Variants in EFNB2 observed in about 807,000 individuals in gnomAD.
EFNB2 encodes ephrin B2, also known as ephrin-B2.
In EFNB2, 5 loss-of-function variants were observed where a neutral mutation model predicts 32.1. The ratio of observed to expected loss-of-function variants is 0.16; its 90% CI spans 0.08 to 0.33. The LOEUF (loss-of-function observed/expected upper bound fraction) is 0.33, where lower values mean the gene tolerates loss of function less well. EFNB2 is among the 10% of genes least tolerant of loss of function. The pLI is 1.00. For missense variants in EFNB2, 263 were observed against 422.6 expected, an observed-to-expected ratio of 0.62 and a Z score of 3.31; for synonymous variants, 168 against 166.5, an observed-to-expected ratio of 1.01 and a Z score of -0.07.
chr13:106,506,161 A>G (rs972610620), intron 2 of EFNB2: 2 of 152,238 alleles, frequency 1.3e-5, no homozygotes, highest in Non-Finnish European at 2.9e-5. Context: ...GTTCAGAAAT[A>G]ACAGAAACAA....
rs954070330 is a variant in EFNB2 at position 106,523,259 on chromosome 13, T to C, written c.123-10447A>G. Among the ~76,000 whole-genome samples the C allele has an allele frequency of 2.0e-4, 31 of 152,192 alleles. 1 individual carries two copies. The highest frequency in any genetic ancestry group is 3.9e-4 in the Admixed American group (6 of 15,282). Reference sequence around the variant, plus strand: ...CAAAAGGAAGCAAAATCAGACTGGGTTCCTGACTTCCATACGGATCGCCCC... The same window carrying C: ...CAAAAGGAAGCAAAATCAGACTGGGCTCCTGACTTCCATACGGATCGCCCC... On this transcript the variant is annotated intron_variant, in intron 1 of 4. Coordinates refer to ENST00000646441, the MANE Select transcript of EFNB2 (RefSeq NM_004093.4).
chr13:106,525,779 TA>T (rs1362194616), intron 1 of EFNB2, among the ~76,000 whole-genome samples: 1 of 152,152 alleles, frequency 6.6e-6, no homozygotes, highest in Non-Finnish European at 1.5e-5. Context: ...ACTTAGACTT[TA>T]AATCTCGAGG....
chr13:106,512,304 G>GTT (rs57001546), intron 2 of EFNB2, among the ~76,000 whole-genome samples: 183 of 140,310 alleles, frequency 1.3e-3, no homozygotes, highest in Non-Finnish European at 2.2e-3. Context: ...GAATTCTAGT[G>GTT]TTTTTTTTTC....
At chr13:106,509,658 TGTGTGTG>T (rs1879071419) in intron 2 of EFNB2, among the ~76,000 whole-genome samples, 2 of 151,934 alleles carry the variant, frequency 1.3e-5, no homozygotes, top group African/African-American at 4.8e-5. Context: ...TGTGTGTGTG[TGTGTGTG>T]TGTGTGCATT....
intron 2 of EFNB2, among the ~76,000 whole-genome samples, chr13:106,501,028 ATAAT>A (rs1308787389): frequency 1.3e-5 from 2 of 152,234 alleles, no homozygotes; most frequent in African/African-American, 2.4e-5. Context: ...TGATAAAAAA[ATAAT>A]TAGTGTGAAT....
At chr13:106,532,012 T>G (rs192297273) in intron 1 of EFNB2, among the ~76,000 whole-genome samples, 2 of 150,450 alleles carry the variant, frequency 1.3e-5, no homozygotes, top group African/African-American at 4.9e-5. Context: ...TACTGAAGTG[T>G]TAAGTTAAAA....
At chr13:106,498,079 G>A (rs1878649414) in intron 2 of EFNB2, among the ~76,000 whole-genome samples, 2 of 151,952 alleles carry the variant, frequency 1.3e-5, no homozygotes, top group South Asian at 4.2e-4. Flanking sequence ...CAAACTCAAA[G>A]TTAACTTACT....
chr13:106,523,721 C>T (rs1197859926), intron 1 of EFNB2, among the ~76,000 whole-genome samples: 1 of 152,216 alleles, frequency 6.6e-6, no homozygotes, highest in Non-Finnish European at 1.5e-5. Flanking sequence ...ATGGGCTGTA[C>T]TGAATGAATC....
rs1880025910 is a variant in EFNB2 at position 106,535,084 on chromosome 13, C to A, written c.-120G>T. ...GAAGACGGCGTGCGCCCGCAGGCAGCTCCGAGGCGCGCTGCGCAGCTCCAG... is the reference window on the plus strand; with the variant it reads ...GAAGACGGCGTGCGCCCGCAGGCAGATCCGAGGCGCGCTGCGCAGCTCCAG... On this transcript the variant is annotated 5_prime_UTR_variant, in exon 1 of 5. Coordinates refer to ENST00000646441, the MANE Select transcript of EFNB2 (RefSeq NM_004093.4). 1 of 1,399,248 alleles carries A rather than the reference C, an allele frequency of 7.1e-7. No homozygotes were observed. The highest frequency in any genetic ancestry group is 2.3e-5 in the Admixed American group (1 of 43,682). 86.7% of individuals were successfully genotyped at this position (1,399,248 alleles called of 1,614,324 possible).
chr13:106,510,765 G>C (rs1019081803), intron 2 of EFNB2, among the ~76,000 whole-genome samples: 1 of 151,072 alleles, frequency 6.6e-6, no homozygotes, highest in African/African-American at 2.5e-5. Context: ...TGGAATCCCA[G>C]TACTTTGGGA....
At position 106,534,944 on chromosome 13, in the gene EFNB2, G is replaced by A; in HGVS notation, c.21C>T (p.Ser7=). 1 of 1,613,334 alleles carries A rather than the reference G, an allele frequency of 6.2e-7. No individual in the cohort carries two copies. The highest frequency in any genetic ancestry group is 8.5e-7 in the Non-Finnish European group (1 of 1,179,612). Residue 7 remains serine (S), a synonymous_variant, in exon 1 of 5, where the codon TCC becomes TCT. Transcript: ENST00000646441. ...AAACACCCCAGCAGTACTTCCACAC[G>A]GAGTCCCTTCTCACAGCCATGGCGA... is the stretch of plus-strand genomic sequence containing the variant. MAVRRD[S]VWKYCWGVLM...
chr13:106,508,940 G>A (rs538041126), intron 2 of EFNB2, among the ~76,000 whole-genome samples: 8 of 152,206 alleles, frequency 5.3e-5, no homozygotes, highest in Non-Finnish European at 8.8e-5. Context: ...TTTAAAGCAG[G>A]TAACACCACA....
At position 106,496,339 on chromosome 13, in the gene EFNB2, C is replaced by T. The variant is rs527840953; in HGVS notation, c.407-499G>A. Among the ~76,000 whole-genome samples, 19 of 152,312 alleles carry T rather than the reference C, an allele frequency of 1.2e-4. No homozygotes were observed. In the South Asian group the frequency reaches 3.7e-3, roughly 30 times the overall value. On this transcript the variant is annotated intron_variant, in intron 2 of 4. Transcript: ENST00000646441. ...CTGTAAACACTAGACCAGGAGCCTC[C>T]CACAACCCTTGTCTTCTTTTTTCAG... is the stretch of plus-strand genomic sequence containing the variant.
At chr13:106,509,378 G>T (rs541196099) in intron 2 of EFNB2, among the ~76,000 whole-genome samples, 1 of 152,112 alleles carries the variant, frequency 6.6e-6, no homozygotes, top group East Asian at 1.9e-4. Context: ...AACACTGCTC[G>T]TTCTGAAGGC....
In EFNB2 at chr13:106,533,319, T is replaced by C. The variant is rs1167061585; in HGVS notation, c.122+1524A>G. 2.0e-5 allele frequency among the ~76,000 whole-genome samples: 3 copies of C among 151,128 alleles called. No homozygotes were observed. The East Asian group carries it at 5.9e-4, about 30-fold the overall frequency. On this transcript the variant is annotated intron_variant, in intron 1 of 4. Transcript: ENST00000646441. ...CTCCGGGACCCGCTGCTGCGCGAGG[T>C]CCTAGCCCGGCTCCTTCCGGCACCA...
intron 2 of EFNB2, among the ~76,000 whole-genome samples, chr13:106,507,362 A>G (rs1878989609): frequency 6.6e-6 from 1 of 152,250 alleles, no homozygotes; most frequent in African/African-American, 2.4e-5. Flanking sequence ...GCTAAAGAAC[A>G]GTGCATTCAG....
At position 106,490,622 on chromosome 13, in the gene EFNB2, TTC is replaced by T. The variant is rs1259536307; in HGVS notation, c.*2416_*2417del. 1.3e-5 allele frequency: 2 copies of T among 152,068 alleles called. No homozygotes were observed. Among genetic ancestry groups the T allele is most frequent in the Non-Finnish European group, 2.9e-5 (2 of 68,026 alleles). 9.4% of individuals were successfully genotyped at this position (152,068 alleles called of 1,614,324 possible). A position where few individuals can be genotyped will look rare whatever the true frequency, so the allele number is the denominator to read the frequency against. Reference sequence around the variant, plus strand: ...CCCTCTCCCCCATCCTAAAAGTAACTTCTGATGGCTTACAAGAAACTCTTGCA... The same window carrying T: ...CCCTCTCCCCCATCCTAAAAGTAACTTGATGGCTTACAAGAAACTCTTGCA... On this transcript the variant is annotated 3_prime_UTR_variant, in exon 5 of 5. Transcript: ENST00000646441.
At chr13:106,502,459 C>T (rs1878813800) in intron 2 of EFNB2, among the ~76,000 whole-genome samples, 1 of 152,162 alleles carries the variant, frequency 6.6e-6, no homozygotes, top group Non-Finnish European at 1.5e-5. Context: ...CATGGAACAA[C>T]TTTGAAGCAG....
At chr13:106,529,741 C>T (rs1020198752) in intron 1 of EFNB2, among the ~76,000 whole-genome samples, 1 of 152,188 alleles carries the variant, frequency 6.6e-6, no homozygotes, top group Non-Finnish European at 1.5e-5. Flanking sequence ...TTATTTTTAT[C>T]TGAAAGACAG....
Sources: allele counts gnomAD v4.1 joint callset (sites outside exome capture counted in the v4.1 genomes callset), GRCh38; gene constraint gnomAD v4.1.1; transcripts MANE v1.5; gene names NCBI Gene and HGNC (gene_info 2026-07-23, HGNC 2026-07-21).